MAF: variants seen among roughly 807,000 people sequenced by gnomAD.
MAF encodes MAF bZIP transcription factor.
A neutral mutation model predicts 22.0 loss-of-function variants in MAF; 10 were observed. The observed-to-expected ratio is 0.45, with a 90% CI of 0.28 to 0.77. The LOEUF (loss-of-function observed/expected upper bound fraction) is 0.77, where lower values mean the gene tolerates loss of function less well. MAF is among the 30% of genes least tolerant of loss of function. The pLI, the probability that MAF is intolerant of heterozygous loss-of-function variation, is 0.12. For synonymous variants in MAF, 337 were observed against 255.8 expected (o/e 1.32, Z -3.03); for missense variants, 544 against 548.4 (o/e 0.99, Z 0.08).
the MAF span, among the ~76,000 whole-genome samples, chr16:79,223,266 C>G: frequency 6.6e-6 from 1 of 152,172 alleles, no homozygotes; most frequent in Non-Finnish European, 1.5e-5. Flanking sequence ...TGAATGACTA[C>G]TGGGTAAGTA....
chr16:79,433,281 T>C, the MAF span, among the ~76,000 whole-genome samples: 4 of 142,386 alleles, frequency 2.8e-5, no homozygotes, highest in South Asian at 4.4e-4. Context: ...AAAAAAAATA[T>C]ATATATATAT....
the MAF span, among the ~76,000 whole-genome samples, chr16:79,375,237 G>C: frequency 6.6e-6 from 1 of 152,220 alleles, no homozygotes; most frequent in Non-Finnish European, 1.5e-5. Context: ...CATTTCCTGT[G>C]ATTCACAGGG....
At chr16:79,385,904 C>A in the MAF span, among the ~76,000 whole-genome samples, 5 of 151,978 alleles carry the variant, frequency 3.3e-5, no homozygotes, top group Middle Eastern at 3.2e-3. Context: ...GACTCTGTAA[C>A]GAAAAACAAA....
the MAF span, among the ~76,000 whole-genome samples, chr16:79,231,919 G>A: frequency 6.6e-6 from 1 of 152,056 alleles, no homozygotes; most frequent in Non-Finnish European, 1.5e-5. Flanking sequence ...ATCTGTGGGT[G>A]ATGGGAAGCA....
At chr16:79,211,783 G>A in the MAF span, 1 of 1,614,076 alleles carries the variant, frequency 6.2e-7, no homozygotes, top group Non-Finnish European at 8.5e-7. Flanking sequence ...CGGCTTGGCA[G>A]CCAGTCCGGC....
the MAF span, among the ~76,000 whole-genome samples, chr16:79,523,374 G>C: frequency 1.3e-5 from 2 of 152,228 alleles, no homozygotes; most frequent in African/African-American, 4.8e-5. Flanking sequence ...CCAGACTTCA[G>C]TATAGGAAAT....
downstream of MAF, among the ~76,000 whole-genome samples, chr16:79,590,016 C>G (rs1470938080): frequency 6.6e-6 from 1 of 152,200 alleles, no homozygotes; most frequent in African/African-American, 2.4e-5. Flanking sequence ...GACCCGCCCC[C>G]TCTGTCTGGG....
At chr16:79,558,590 G>C in the MAF span, among the ~76,000 whole-genome samples, 1 of 152,204 alleles carries the variant, frequency 6.6e-6, no homozygotes, top group Admixed American at 6.5e-5. Flanking sequence ...CACAAAGAGA[G>C]GGGAGTATGA....
In MAF at chr16:79,599,908, TGCCGCCGCC is replaced by T. The variant is rs5818251; in HGVS notation, c.-15_-7del. 3,437 of 1,554,512 alleles carry T rather than the reference TGCCGCCGCC, an allele frequency of 2.2e-3. 52 individuals are homozygous for T. In the African/African-American group the frequency reaches 0.037, roughly 17 times the overall value. ...ATTGCCAGTTCTGATGCCATTCTCCTGCCGCCGCCGCCGCCGCCGCCGCCGCTCCGCCAG... is the reference window on the plus strand; with the variant it reads ...ATTGCCAGTTCTGATGCCATTCTCCTGCCGCCGCCGCCGCCGCTCCGCCAG... On this transcript the variant is annotated 5_prime_UTR_variant, in exon 1 of 2. Transcript: ENST00000326043.
the MAF span, among the ~76,000 whole-genome samples, chr16:79,560,895 A>C: frequency 6.6e-6 from 1 of 152,298 alleles, no homozygotes; most frequent in South Asian, 2.1e-4. Context: ...GGACTACCTA[A>C]CTGTTTTGGA....
rs905089873 is a variant in MAF, at chr16:79,600,242, G to C, written c.-340C>G. 7 of 263,170 alleles carry C rather than the reference G, an allele frequency of 2.7e-5. No homozygotes were observed. Among genetic ancestry groups the C allele is most frequent in the Non-Finnish European group, 5.2e-5 (7 of 134,872 alleles). The allele number at this position is 263,170 out of a possible 1,614,324, so 16.3% of individuals were successfully genotyped here. ...CGCGAGCTGCGGTGGCGGCGGTGGT[G>C]GCTGCGGCGGCGAAGCTGGAGGAGC... is the stretch of plus-strand genomic sequence containing the variant. On this transcript the variant is annotated 5_prime_UTR_variant, in exon 1 of 2. Coordinates refer to ENST00000326043, the MANE Select transcript of MAF (RefSeq NM_005360.5).
chr16:79,247,529 G>T, the MAF span, among the ~76,000 whole-genome samples: 1,446 of 152,190 alleles, frequency 9.5e-3, 28 homozygotes, highest in African/African-American at 0.033. Context: ...TTAGGCACTT[G>T]GTAAACTGGC....
the MAF span, among the ~76,000 whole-genome samples, chr16:79,321,738 C>G: frequency 6.7e-6 from 1 of 148,398 alleles, no homozygotes; most frequent in Admixed American, 6.9e-5. Context: ...GCAAGCTCTG[C>G]CTCCCAGGTT....
the MAF span, among the ~76,000 whole-genome samples, chr16:79,540,339 A>C: frequency 6.6e-6 from 1 of 151,976 alleles, no homozygotes; most frequent in South Asian, 2.1e-4. Context: ...TGCTTCCCTG[A>C]AGTCCCTGCG....
the MAF span, among the ~76,000 whole-genome samples, chr16:79,381,897 C>T: frequency 1.8e-4 from 27 of 152,134 alleles, no homozygotes; most frequent in Admixed American, 1.3e-3. Context: ...AAAATGAAGA[C>T]GAGAGAAAGG....
chr16:79,428,376 C>G, the MAF span, among the ~76,000 whole-genome samples: 2 of 152,200 alleles, frequency 1.3e-5, no homozygotes, highest in Non-Finnish European at 2.9e-5. Context: ...CCACCTCTAG[C>G]TGACCCCCAC....
chr16:79,237,608 T>A, the MAF span, among the ~76,000 whole-genome samples: 3 of 152,004 alleles, frequency 2.0e-5, no homozygotes, highest in East Asian at 5.8e-4. Context: ...GTGAGTTCCA[T>A]CTCAGAGGAC....
the MAF span, chr16:79,212,918 A>G: frequency 8.6e-6 from 1 of 116,322 alleles, no homozygotes; most frequent in Non-Finnish European, 2.0e-5. Context: ...AAGAAAGAAA[A>G]AAGAAAAATG....
the MAF span, among the ~76,000 whole-genome samples, chr16:79,420,642 T>C: frequency 2.0e-5 from 3 of 152,196 alleles, no homozygotes; most frequent in Admixed American, 6.5e-5. Flanking sequence ...ACTTTAGCTG[T>C]TGCTCGGCAG....
Sources: gnomAD v4.1 joint callset for allele counts (sites outside exome capture counted in the v4.1 genomes callset) on GRCh38, gnomAD v4.1.1 for gene constraint, MANE v1.5 for transcripts, NCBI Gene and HGNC (gene_info 2026-07-23, HGNC 2026-07-21) for gene names.